Variants in TBC1D23 observed in about 807,000 individuals in gnomAD.
TBC1D23 encodes the protein TBC1 domain family member 23.
Under a neutral mutation model 91.4 loss-of-function variants are expected in TBC1D23, and 55 were observed. The observed-to-expected ratio is 0.60, with a 90% confidence interval of 0.48 to 0.75. The LOEUF is 0.75. Among genes scored for constraint, TBC1D23 ranks in the 30% least tolerant of loss-of-function variants. The pLI is 0.00. For synonymous variants in TBC1D23, 289 were observed against 281.0 expected (o/e 1.03, Z -0.28); for missense variants, 725 against 836.1 (o/e 0.87, Z 1.64).
chr3:100,309,610 CTTTTTTTTTT>C (rs71132518), intron 13 of TBC1D23, among the ~76,000 whole-genome samples: 10 of 116,126 alleles, frequency 8.6e-5, no homozygotes, highest in South Asian at 3.0e-4. Flanking sequence ...ATTCTACCTT[CTTTTTTTTTT>C]TTTTTTTTTG....
intron 1 of TBC1D23, among the ~76,000 whole-genome samples, chr3:100,274,826 A>G (rs1464622101): frequency 6.7e-6 from 1 of 148,274 alleles, no homozygotes; most frequent in Non-Finnish European, 1.5e-5. Context: ...TAAATTAATA[A>G]ACATATATAA....
chr3:100,264,337 G>A (rs1220014499), intron 1 of TBC1D23, among the ~76,000 whole-genome samples: 1 of 89,556 alleles, frequency 1.1e-5, no homozygotes, highest in Non-Finnish European at 2.1e-5. Flanking sequence ...CTTTCTTTTT[G>A]GAGTAAATGT....
intron 5 of TBC1D23, among the ~76,000 whole-genome samples, chr3:100,292,782 G>A (rs1468106887): frequency 1.3e-5 from 2 of 151,790 alleles, no homozygotes; most frequent in Non-Finnish European, 1.5e-5. Context: ...TAATTTTTTT[G>A]TAGAGTCAAG....
In TBC1D23 at chr3:100,309,610, C is replaced by CTTTTTTTTT. The variant is rs71132518; in HGVS notation, c.1414-782_1414-774dup. 6.4e-3 allele frequency among the ~76,000 whole-genome samples: 747 copies of CTTTTTTTTT among 116,064 alleles called. 30 individuals carry two copies. The highest frequency in any genetic ancestry group is 0.011 in the South Asian group (36 of 3,278). The allele number at this position is 116,064 out of a possible 152,430, so 76.1% of individuals were successfully genotyped here. A position where few individuals can be genotyped will look rare whatever the true frequency, so the allele number is the denominator to read the frequency against. Reference sequence around the variant, plus strand: ...TATCCTAAATTTTTTATTCTACCTTCTTTTTTTTTTTTTTTTTTTGAGACA... The same window carrying CTTTTTTTTT: ...TATCCTAAATTTTTTATTCTACCTTCTTTTTTTTTTTTTTTTTTTTTTTTTTTTGAGACA... On this transcript the variant is annotated intron_variant, in intron 13 of 18. Coordinates refer to ENST00000394144, the MANE Select transcript of TBC1D23 (RefSeq NM_001199198.3).
chr3:100,306,087 C>T (rs1027534781), intron 12 of TBC1D23, among the ~76,000 whole-genome samples: 1 of 152,108 alleles, frequency 6.6e-6, no homozygotes, highest in African/African-American at 2.4e-5. Context: ...AAGTCACAAT[C>T]GGTTTTCTGT....
chr3:100,285,273 G>A (rs2028494), intron 4 of TBC1D23, among the ~76,000 whole-genome samples: 77,853 of 151,916 alleles, frequency 0.51, 20,470 homozygotes, highest in South Asian at 0.58. Context: ...TCCCGTTAGT[G>A]GTCAACTCTC....
Position 100,290,581 on chromosome 3 carries a change from T to G in TBC1D23, c.480T>G (p.Asp160Glu). The G allele has an allele frequency of 1.2e-6, 2 of 1,613,446 alleles. No individual in the cohort carries two copies. Among genetic ancestry groups the G allele is most frequent in the South Asian group, 2.2e-5 (2 of 90,970 alleles). The change falls in exon 5 of 19, where the codon GAT becomes GAG. Residue 160 changes from aspartate (D) to glutamate (E), a missense_variant. Asp to Glu is a conservative substitution (Grantham distance 45, BLOSUM62 2). Coordinates refer to ENST00000394144, the MANE Select transcript of TBC1D23 (RefSeq NM_001199198.3). ...YAIMNKYIPR[D>E]CSQKGRPFHL... The stretch of plus-strand genomic sequence containing the variant: ...TTTTGCTTCTCTTGTCTTCTAGGGA[T>G]TGTTCCCAGAAAGGGAGACCATTTC...
intron 4 of TBC1D23, among the ~76,000 whole-genome samples, chr3:100,286,542 A>G (rs2067743795): frequency 1.3e-5 from 2 of 151,656 alleles, no homozygotes; most frequent in Non-Finnish European, 2.9e-5. Flanking sequence ...TTGTCATCCA[A>G]GCTGGAGTGC....
intron 2 of TBC1D23, among the ~76,000 whole-genome samples, chr3:100,280,254 T>G (rs994975987): frequency 1.1e-4 from 16 of 151,404 alleles, no homozygotes; most frequent in Non-Finnish European, 1.8e-4. Context: ...AGAAATGGTG[T>G]TTATGAAAAT....
chr3:100,284,723 T>C (rs2067725219), intron 4 of TBC1D23, among the ~76,000 whole-genome samples: 1 of 152,046 alleles, frequency 6.6e-6, no homozygotes, highest in Admixed American at 6.6e-5. Context: ...TTGTTGTAGT[T>C]CCCAGTGCAA....
intron 1 of TBC1D23, among the ~76,000 whole-genome samples, chr3:100,269,576 AGTT>A: frequency 6.6e-6 from 1 of 152,232 alleles, no homozygotes. Context: ...TTTAAAAATA[AGTT>A]GCACAAGACA....
chr3:100,296,330 T>C, intron 8 of TBC1D23, 55 bp downstream of exon 8: 1 of 966,806 alleles, frequency 1.0e-6, no homozygotes, highest in Non-Finnish European at 1.6e-6. Context: ...TACATTGTTT[T>C]ATTACTTTAT....
At chr3:100,280,964 A>T (rs528549978) in intron 2 of TBC1D23, among the ~76,000 whole-genome samples, 44 of 152,306 alleles carry the variant, frequency 2.9e-4, no homozygotes, top group African/African-American at 1.0e-3. Context: ...GTTTGAGACC[A>T]GCCTGGCCAA....
chr3:100,298,431 T>C (rs909160552), intron 9 of TBC1D23, among the ~76,000 whole-genome samples: 9 of 152,246 alleles, frequency 5.9e-5, no homozygotes, highest in African/African-American at 1.2e-4. Context: ...ATACAACTTA[T>C]AGCAAAGGAG....
intron 11 of TBC1D23, among the ~76,000 whole-genome samples, chr3:100,303,605 T>C (rs1270568597): frequency 6.6e-6 from 1 of 152,044 alleles, no homozygotes; most frequent in Non-Finnish European, 1.5e-5. Context: ...ACCCTGTCTC[T>C]ACAAAAAATA....
intron 1 of TBC1D23, among the ~76,000 whole-genome samples, chr3:100,267,823 T>C (rs981907947): frequency 1.3e-5 from 2 of 152,198 alleles, no homozygotes; most frequent in African/African-American, 2.4e-5. Context: ...TTATATATAA[T>C]GCTTATATAT....
intron 11 of TBC1D23, among the ~76,000 whole-genome samples, chr3:100,303,514 T>C (rs975543064): frequency 1.2e-4 from 18 of 152,196 alleles, no homozygotes; most frequent in Admixed American, 1.0e-3. Context: ...CTCCCACCTA[T>C]AATCCCAATA....
chr3:100,291,844 G>C (rs1241603276), intron 5 of TBC1D23, among the ~76,000 whole-genome samples: 1 of 148,604 alleles, frequency 6.7e-6, no homozygotes, highest in Non-Finnish European at 1.5e-5. Context: ...GCCTAGGCTG[G>C]AGTGCCGTGG....
chr3:100,277,565 T>C (rs1292695915), intron 1 of TBC1D23, among the ~76,000 whole-genome samples: 2 of 152,236 alleles, frequency 1.3e-5, no homozygotes, highest in African/African-American at 2.4e-5. Context: ...ACAAGCTTTG[T>C]TCTCTGGAAT....
Sources: allele counts gnomAD v4.1 joint callset (sites outside exome capture counted in the v4.1 genomes callset), GRCh38; gene constraint gnomAD v4.1.1; transcripts MANE v1.5; gene names NCBI Gene and HGNC (gene_info 2026-07-23, HGNC 2026-07-21).